Variants in LRRC2 observed in about 807,000 individuals in gnomAD.
LRRC2 encodes the protein leucine rich repeat containing 2.
Under a neutral mutation model 40.2 loss-of-function variants are expected in LRRC2, and 27 were observed. The ratio of observed to expected loss-of-function variants is 0.67; its 90% CI spans 0.49 to 0.93. The LOEUF (loss-of-function observed/expected upper bound fraction) is 0.93. Ranked by LOEUF, LRRC2 falls within the 40% of genes least tolerant of loss-of-function variation. LRRC2 has a pLI of 0.00. For missense variants in LRRC2, 402 were observed against 439.6 expected, an observed-to-expected ratio of 0.91 and a Z score of 0.76; for synonymous variants, 147 against 158.9, an observed-to-expected ratio of 0.92 and a Z score of 0.56.
intron 3 of LRRC2, among the ~76,000 whole-genome samples, chr3:46,544,798 G>A (rs1385963528): frequency 6.6e-6 from 1 of 152,158 alleles, no homozygotes; most frequent in Non-Finnish European, 1.5e-5. Flanking sequence ...CTAGGGCGGG[G>A]AACAGGAGAG....
At chr3:46,532,628 C>T (rs1704181546) in intron 5 of LRRC2, 145 bp downstream of exon 5, 1 of 864,274 alleles carries the variant, frequency 1.2e-6, no homozygotes, top group Non-Finnish European at 1.7e-6. Context: ...TTTTTAAAGA[C>T]CAGTATACGG....
rs1705058835 is a variant in LRRC2 at position 46,566,189 on chromosome 3, G to A, written c.-32C>T. ...GCCCAGCGCTTACCTGCCCCGAGGG[G>A]CGGGCACTGACAGTCCTGGCCTGCC... is the stretch of plus-strand genomic sequence containing the variant. On this transcript the variant is annotated 5_prime_UTR_variant, in exon 1 of 9. Transcript: ENST00000395905. The A allele has an allele frequency of 6.6e-6, 1 of 152,296 alleles. No individual in the cohort carries two copies. The highest frequency in any genetic ancestry group is 1.5e-5 in the Non-Finnish European group (1 of 68,092). 9.4% of individuals were successfully genotyped at this position (152,296 alleles called of 1,614,324 possible).
intron 7 of LRRC2, among the ~76,000 whole-genome samples, chr3:46,524,659 A>G (rs990769724): frequency 2.6e-5 from 4 of 152,216 alleles, no homozygotes; most frequent in African/African-American, 9.7e-5. Context: ...TCATTTTAAT[A>G]GGCTGTTATA....
intron 5 of LRRC2, 76 bp downstream of exon 5, chr3:46,532,697 C>A: frequency 7.0e-7 from 1 of 1,418,552 alleles, no homozygotes; most frequent in Non-Finnish European, 9.7e-7. Flanking sequence ...GTTAAAACTT[C>A]TTGCCATATT....
chr3:46,559,694 A>G (rs1325339398), intron 1 of LRRC2: 2 of 152,246 alleles, frequency 1.3e-5, no homozygotes, highest in Non-Finnish European at 2.9e-5. Context: ...TCAACAAAAA[A>G]TGGCTTAATC....
intron 3 of LRRC2, among the ~76,000 whole-genome samples, chr3:46,543,738 C>A (rs1013205747): frequency 1.3e-5 from 2 of 151,926 alleles, no homozygotes; most frequent in African/African-American, 2.4e-5. Context: ...AACTGGACAC[C>A]CTTACAGGGT....
intron 2 of LRRC2, 49 bp downstream of exon 2, chr3:46,551,418 A>G (rs1188937728): frequency 6.3e-7 from 1 of 1,591,054 alleles, no homozygotes; most frequent in East Asian, 2.2e-5. Context: ...GCCTGTCCAA[A>G]TCCTTATTCA....
In LRRC2 at chr3:46,518,282, ACT is replaced by A. The variant is rs757887077; in HGVS notation, c.*730_*731del. The A allele has an allele frequency of 6.6e-6, 1 of 152,088 alleles. No homozygotes were observed. The highest frequency in any genetic ancestry group is 1.5e-5 in the Non-Finnish European group (1 of 68,014). 9.4% of individuals were successfully genotyped at this position (152,088 alleles called of 1,614,324 possible). ...AGGAAGATTATTCTCAGTAAAAGAA[ACT>A]CTTTCAAAATAACAAAACACTCTCA... On this transcript the variant is annotated 3_prime_UTR_variant, in exon 9 of 9. Coordinates refer to ENST00000395905, the MANE Select transcript of LRRC2 (RefSeq NM_024512.5).
At chr3:46,533,960 T>C (rs927799559) in intron 4 of LRRC2, among the ~76,000 whole-genome samples, 1 of 151,434 alleles carries the variant, frequency 6.6e-6, no homozygotes, top group Non-Finnish European at 1.5e-5. Context: ...GTGCAGAACA[T>C]GCAGGTTTCT....
chr3:46,554,422 G>A (rs1001515313), intron 1 of LRRC2, among the ~76,000 whole-genome samples: 2 of 152,104 alleles, frequency 1.3e-5, no homozygotes, highest in Non-Finnish European at 2.9e-5. Flanking sequence ...GAGGTGGGCA[G>A]ATCATGAGGT....
intron 8 of LRRC2, among the ~76,000 whole-genome samples, chr3:46,519,577 T>C (rs1559407025): frequency 6.6e-6 from 1 of 152,198 alleles, no homozygotes; most frequent in Non-Finnish European, 1.5e-5. Context: ...CAAAGGATGG[T>C]CTATACCAAT....
At chr3:46,549,502 T>C (rs1704596649) in intron 2 of LRRC2, among the ~76,000 whole-genome samples, 2 of 152,170 alleles carry the variant, frequency 1.3e-5, no homozygotes, top group South Asian at 4.1e-4. Context: ...TTGGTGGCTG[T>C]TTTCCTTATC....
intron 1 of LRRC2, among the ~76,000 whole-genome samples, chr3:46,556,450 T>A: frequency 6.6e-6 from 1 of 152,142 alleles, no homozygotes; most frequent in Non-Finnish European, 1.5e-5. Context: ...TTTGGGTTTC[T>A]TCAGGTTAAT....
chr3:46,546,780 A>C (rs1261854992), intron 2 of LRRC2, among the ~76,000 whole-genome samples: 1 of 131,994 alleles, frequency 7.6e-6, no homozygotes, highest in African/African-American at 2.9e-5. Context: ...GTGCAATGGC[A>C]CAGTCTCAGC....
Position 46,515,810 on chromosome 3 carries a change from C to T in LRRC2, c.*3204G>A, listed in dbSNP as rs1703849779. 1 of 152,048 alleles carries T rather than the reference C, an allele frequency of 6.6e-6. No individual in the cohort carries two copies. Among genetic ancestry groups the T allele is most frequent in the Non-Finnish European group, 1.5e-5 (1 of 68,032 alleles). The allele number at this position is 152,048 out of a possible 1,614,324, so 9.4% of individuals were successfully genotyped here. On this transcript the variant is annotated 3_prime_UTR_variant, in exon 9 of 9. Transcript: ENST00000395905. ...TGGCCATATGTAACACATACCTTAG[C>T]ATGACATAAAATTCCAAAATCATTC...
chr3:46,564,016 A>C (rs1446567934), intron 1 of LRRC2, among the ~76,000 whole-genome samples: 1 of 152,234 alleles, frequency 6.6e-6, no homozygotes, highest in African/African-American at 2.4e-5. Flanking sequence ...TAGGAACCCT[A>C]AGTGACATTT....
intron 7 of LRRC2, among the ~76,000 whole-genome samples, chr3:46,524,718 A>G (rs577289344): frequency 6.6e-6 from 1 of 152,356 alleles, no homozygotes; most frequent in East Asian, 1.9e-4. Flanking sequence ...CATGATTAAC[A>G]TGGCATTTCT....
rs1704653000 is a variant in LRRC2 at position 46,551,560 on chromosome 3, G to C, written c.32C>G (p.Ser11Cys). The C allele has an allele frequency of 6.2e-7, 1 of 1,613,574 alleles. No individual in the cohort carries two copies. Among genetic ancestry groups the C allele is most frequent in the Non-Finnish European group, 8.5e-7 (1 of 1,179,890 alleles). Residue 11 changes from serine (S) to cysteine (C), a missense_variant, in exon 2 of 9, where the codon TCT becomes TGT. Physicochemically the swap from Ser to Cys is moderately radical, Grantham distance 112 (BLOSUM62 -1). Coordinates refer to ENST00000395905, the MANE Select transcript of LRRC2 (RefSeq NM_024512.5). ...AGTTTCCCACAAGGCTCTGATGACA[G>C]AAATGTCGAAGACAACCACTTTATG... MGHKVVVFDI[S>C]VIRALWETRV...
intron 7 of LRRC2, among the ~76,000 whole-genome samples, chr3:46,523,212 C>A (rs950433292): frequency 6.6e-6 from 1 of 152,012 alleles, no homozygotes; most frequent in Non-Finnish European, 1.5e-5. Context: ...AAGAAATATA[C>A]CTACATTTTA....
Sources: gnomAD v4.1 joint callset for allele counts (sites outside exome capture counted in the v4.1 genomes callset) on GRCh38, gnomAD v4.1.1 for gene constraint, MANE v1.5 for transcripts, NCBI Gene and HGNC (gene_info 2026-07-23, HGNC 2026-07-21) for gene names.